Variants in JADE3 observed in about 807,000 individuals in gnomAD.
JADE3 encodes the protein jade family PHD finger 3.
In JADE3, 2 loss-of-function variants were observed where a neutral mutation model predicts 50.1. That is an observed-to-expected ratio of 0.04 (90% CI 0.02 to 0.13). JADE3 has a LOEUF of 0.13. Ranked by LOEUF, JADE3 falls within the 10% of genes least tolerant of loss-of-function variation. The pLI, the probability that JADE3 is intolerant of heterozygous loss-of-function variation, is 1.00. For synonymous variants in JADE3, 218 were observed against 232.9 expected, an observed-to-expected ratio of 0.94 and a Z score of 0.58; for missense variants, 475 against 634.4, an observed-to-expected ratio of 0.75 and a Z score of 2.70.
chrX:47,025,640 T>G (rs1928891673), intron 5 of JADE3, among the ~76,000 whole-genome samples: 1 of 112,337 alleles, frequency 8.9e-6, no homozygotes. Context: ...AATGCTAGGC[T>G]GAAAGATAAC....
chrX:47,025,399 C>T (rs1928885086), intron 5 of JADE3, among the ~76,000 whole-genome samples: 1 of 111,768 alleles, frequency 8.9e-6, no homozygotes, highest in Non-Finnish European at 1.9e-5. Context: ...TGTGACAGTA[C>T]CCCTTAATGC....
intron 7 of JADE3, among the ~76,000 whole-genome samples, chrX:47,037,477 G>A (rs1929159455): frequency 8.9e-6 from 1 of 111,853 alleles, no homozygotes; most frequent in African/African-American, 3.3e-5. Context: ...TGGTTCCTAA[G>A]TAAAAGTGTC....
chrX:46,964,404 GC>G (rs1927326572), intron 1 of JADE3, among the ~76,000 whole-genome samples: 1 of 111,608 alleles, frequency 9.0e-6, no homozygotes, highest in African/African-American at 3.3e-5. Flanking sequence ...CTCCTGAGCT[GC>G]CATGTAAGAA....
In JADE3 at chrX:47,056,104, T is replaced by C; in HGVS notation, c.1466T>C (p.Ile489Thr). The C allele has an allele frequency of 8.3e-7, 1 of 1,202,559 alleles. No individual in the cohort carries two copies. The highest frequency in any genetic ancestry group is 1.1e-6 in the Non-Finnish European group (1 of 887,636). ...CAGGTCCGAAATCTGTGCTATATGATAAGCAGACGAGAGAAGCTGAAGCTG... is the reference window on the plus strand; with the variant it reads ...CAGGTCCGAAATCTGTGCTATATGACAAGCAGACGAGAGAAGCTGAAGCTG... Reference protein sequence around the residue: ...LERVRNLCYMISRREKLKLSH... With the variant: ...LERVRNLCYMTSRREKLKLSH... The change falls in exon 10 of 11, where the codon ATA becomes ACA. Residue 489 changes from isoleucine to threonine, a missense_variant. Around this residue, in one of 6 missense-constraint regions of JADE3, gnomAD observed 81 missense variants for 123.8 expected, o/e 0.65. Coordinates refer to ENST00000614628, the MANE Select transcript of JADE3 (RefSeq NM_014735.5).
At chrX:47,020,354 A>G (rs1928770437) in intron 4 of JADE3, among the ~76,000 whole-genome samples, 1 of 110,517 alleles carries the variant, frequency 9.0e-6, no homozygotes, top group Non-Finnish European at 1.9e-5. Flanking sequence ...AAGTGTGTCT[A>G]TCCATAGTAC....
intron 1 of JADE3, among the ~76,000 whole-genome samples, chrX:46,931,749 G>A (rs1313903852): frequency 4.5e-5 from 5 of 112,011 alleles, no homozygotes; most frequent in Non-Finnish European, 7.5e-5. Context: ...AAATTAAAGC[G>A]TAATCAAAGC....
intron 6 of JADE3, among the ~76,000 whole-genome samples, chrX:47,029,883 A>G (rs1928981097): frequency 9.0e-6 from 1 of 111,608 alleles, no homozygotes; most frequent in East Asian, 2.8e-4. Context: ...GTTCTGAAAA[A>G]CGCATGTTTT....
chrX:46,998,099 A>G (rs373985520), intron 3 of JADE3, 21 bp from the exon 4 acceptor site: 1 of 1,184,104 alleles, frequency 8.4e-7, no homozygotes, highest in Non-Finnish European at 1.1e-6. Flanking sequence ...TCTTCTCAAG[A>G]TATGTGCAAT....
At position 47,060,854 on chromosome X, in the gene JADE3, T is replaced by A. The variant is rs1929761575; in HGVS notation, c.*1777T>A. ...ATGATGGAGCTGTGTTATAAATTCC[T>A]TATGTCAGAGGCCAGTGCGGTAGCC... is the stretch of plus-strand genomic sequence containing the variant. On this transcript the variant is annotated 3_prime_UTR_variant, in exon 11 of 11. Transcript: ENST00000614628. The A allele has an allele frequency of 1.8e-5, 2 of 112,458 alleles. No homozygotes were observed. Among genetic ancestry groups the A allele is most frequent in the African/African-American group, 6.5e-5 (2 of 30,830 alleles). The allele number at this position is 112,458 out of a possible 1,213,427, so 9.3% of individuals were successfully genotyped here.
At chrX:46,992,454 G>A (rs1217502657) in intron 3 of JADE3, among the ~76,000 whole-genome samples, 1 of 99,014 alleles carries the variant, frequency 1.0e-5, no homozygotes, top group Admixed American at 1.2e-4. Context: ...AAAATTTCTA[G>A]TTTAATGTTC....
At chrX:46,969,541 A>G (rs1556349745) in intron 1 of JADE3, among the ~76,000 whole-genome samples, 1 of 112,085 alleles carries the variant, frequency 8.9e-6, no homozygotes, top group African/African-American at 3.2e-5. Flanking sequence ...AAAATATACC[A>G]TATCAAAACT....
Position 47,010,371 on chromosome X carries a change from G to C in JADE3, c.284+12094G>C, listed in dbSNP as rs1289268968. On this transcript the variant is annotated intron_variant, in intron 4 of 10. Transcript: ENST00000614628. ...AGCCTCCCGAGTAGCTGAGATTACA[G>C]GCATGTGCCACCACAACTGGCTAAT... Among the ~76,000 whole-genome samples the C allele has an allele frequency of 2.7e-5, 3 of 111,241 alleles. No homozygotes were observed. The East Asian group carries it at 8.4e-4, about 31-fold the overall frequency.
At position 47,057,665 on chromosome X, in the gene JADE3, C is replaced by T. The variant is rs146542473; in HGVS notation, c.1562-502C>T. On this transcript the variant is annotated intron_variant, in intron 10 of 10. Transcript: ENST00000614628. ...CAAGTTCAAACACATACATACTCTT[C>T]ACCCACCAAAACCCTTGCAACGTTT... Among the ~76,000 whole-genome samples, 495 of 111,785 alleles carry T rather than the reference C, an allele frequency of 4.4e-3. 1 individual carries two copies. The highest frequency in any genetic ancestry group is 0.015 in the African/African-American group (461 of 30,763).
chrX:47,002,609 AC>A (rs1220266858), intron 4 of JADE3, among the ~76,000 whole-genome samples: 1 of 109,001 alleles, frequency 9.2e-6, no homozygotes, highest in Non-Finnish European at 1.9e-5. Flanking sequence ...TACAAATACA[AC>A]CAATTTTTGT....
intron 4 of JADE3, among the ~76,000 whole-genome samples, chrX:47,004,372 A>G (rs1048537325): frequency 8.9e-6 from 1 of 112,494 alleles, no homozygotes; most frequent in Non-Finnish European, 1.9e-5. Flanking sequence ...GAATTCTCCA[A>G]TGAAACACTC....
At chrX:47,034,601 T>C (rs1569538240) in intron 7 of JADE3, among the ~76,000 whole-genome samples, 1 of 109,625 alleles carries the variant, frequency 9.1e-6, no homozygotes. Flanking sequence ...TATTTTTATT[T>C]ATTTTATTTT....
At chrX:46,957,450 A>G (rs1162405343) in intron 1 of JADE3, among the ~76,000 whole-genome samples, 3 of 112,497 alleles carry the variant, frequency 2.7e-5, no homozygotes, top group African/African-American at 9.7e-5. Flanking sequence ...GGCATGTGGT[A>G]GGATTGTAGT....
At chrX:47,048,314 C>CT (rs34469386) in intron 8 of JADE3, among the ~76,000 whole-genome samples, 2 of 110,332 alleles carry the variant, frequency 1.8e-5, no homozygotes, top group African/African-American at 3.3e-5. Context: ...AACAGCCAAA[C>CT]TTTTTTTTTA....
chrX:47,027,782 G>T, intron 5 of JADE3, 110 bp from the exon 6 acceptor site: 1 of 596,845 alleles, frequency 1.7e-6, no homozygotes, highest in South Asian at 2.9e-5. Flanking sequence ...GCAGGAAAGA[G>T]ATGTTTTTAT....
Sources: allele counts gnomAD v4.1 joint callset (sites outside exome capture counted in the v4.1 genomes callset), GRCh38; gene constraint gnomAD v4.1.1; regional missense constraint gnomAD v4.1.1; transcripts MANE v1.5; gene names NCBI Gene and HGNC (gene_info 2026-07-23, HGNC 2026-07-21).